The following VWA3B variants were observed in gnomAD, a reference collection of about 807,000 sequenced individuals.
The protein encoded by VWA3B is von Willebrand factor A domain containing 3B.
Under a neutral mutation model 158.3 loss-of-function variants are expected in VWA3B, and 138 were observed. The ratio of observed to expected loss-of-function variants is 0.87; its 90% CI spans 0.76 to 1.00. The LOEUF is 1.00. VWA3B is among the 50% of genes least tolerant of loss of function. VWA3B has a pLI of 0.00. For missense variants in VWA3B, 1,555 were observed against 1,565.1 expected (o/e 0.99, Z 0.11); for synonymous variants, 596 against 587.3 (o/e 1.01, Z -0.21).
At chr2:98,090,606 A>C (rs1682210622) in intron 1 of VWA3B, among the ~76,000 whole-genome samples, 1 of 152,196 alleles carries the variant, frequency 6.6e-6, no homozygotes, top group Non-Finnish European at 1.5e-5. Flanking sequence ...TCTCCAAGTA[A>C]TATTGCAATA....
intron 5 of VWA3B, among the ~76,000 whole-genome samples, chr2:98,122,481 C>G (rs1675043319): frequency 6.6e-6 from 1 of 152,192 alleles, no homozygotes; most frequent in South Asian, 2.1e-4. Context: ...CTTTTCCTTC[C>G]AAGGCCAAAA....
chr2:98,154,569 C>T (rs190506695), intron 7 of VWA3B, among the ~76,000 whole-genome samples: 1 of 152,262 alleles, frequency 6.6e-6, no homozygotes, highest in African/African-American at 2.4e-5. Flanking sequence ...ATTCTAGGCT[C>T]CTGGCTGCAC....
At chr2:98,169,977 C>A (rs1347341002) in intron 8 of VWA3B, among the ~76,000 whole-genome samples, 1 of 151,936 alleles carries the variant, frequency 6.6e-6, no homozygotes, top group Middle Eastern at 3.2e-3. Context: ...GAAAATTAGC[C>A]AGGCATGATG....
the VWA3B span, among the ~76,000 whole-genome samples, chr2:98,324,113 T>C: frequency 6.6e-6 from 1 of 150,598 alleles, no homozygotes; most frequent in Non-Finnish European, 1.5e-5. Flanking sequence ...CAAGGAAAGA[T>C]CCAAAGACAA....
chr2:98,258,413 G>A lies in VWA3B; in HGVS notation c.2843+2239G>A, dbSNP rs149377128. On this transcript the variant is annotated intron_variant, in intron 21 of 27. Transcript: ENST00000477737. Reference sequence around the variant, plus strand: ...GAAAAAAAAATTGGAATTTTTGTAGGGATTATATTTAATCTAAAGATTGCT... The same window carrying A: ...GAAAAAAAAATTGGAATTTTTGTAGAGATTATATTTAATCTAAAGATTGCT... 6.4e-3 allele frequency among the ~76,000 whole-genome samples: 970 copies of A among 151,554 alleles called. 11 individuals carry two copies. The highest frequency in any genetic ancestry group is 0.022 in the African/African-American group (913 of 41,388).
intron 3 of VWA3B, among the ~76,000 whole-genome samples, 162 bp from the exon 4 acceptor site, chr2:98,119,351 G>A (rs1006661412): frequency 1.3e-5 from 2 of 150,524 alleles, no homozygotes; most frequent in Non-Finnish European, 2.9e-5. Flanking sequence ...GAATCCAAGC[G>A]TTTTTCTGTT....
chr2:98,246,576 T>C (rs2105782115), intron 19 of VWA3B, among the ~76,000 whole-genome samples: 1 of 152,076 alleles, frequency 6.6e-6, no homozygotes, highest in South Asian at 2.1e-4. Flanking sequence ...GAGACAGGGT[T>C]TCACCATGTT....
chr2:98,235,728 T>G (rs1167492107), intron 17 of VWA3B, among the ~76,000 whole-genome samples: 3 of 152,176 alleles, frequency 2.0e-5, no homozygotes, highest in Non-Finnish European at 4.4e-5. Flanking sequence ...TCCCTTTCAA[T>G]TAACCTGCCA....
intron 2 of VWA3B, among the ~76,000 whole-genome samples, chr2:98,096,293 G>A (rs1365230358): frequency 6.6e-6 from 1 of 151,684 alleles, no homozygotes; most frequent in Non-Finnish European, 1.5e-5. Context: ...TTTAAAGATG[G>A]AGTCTTGCTT....
At chr2:98,201,035 A>C (rs184604352) in intron 12 of VWA3B, among the ~76,000 whole-genome samples, 8 of 152,262 alleles carry the variant, frequency 5.3e-5, no homozygotes, top group Admixed American at 5.2e-4. Context: ...GTGACTTTAC[A>C]CTGAGTCTTG....
chr2:98,193,054 G>A lies in VWA3B; in HGVS notation c.1605+18G>A. On this transcript the variant is annotated intron_variant, in intron 11 of 27. Coordinates refer to ENST00000477737, the MANE Select transcript of VWA3B (RefSeq NM_144992.5). ...TCATACAGGTTAGATGGAACTGTCG[G>A]TTCATGCATTTGGGGCTTTGTGTAT... is the stretch of plus-strand genomic sequence containing the variant. The A allele has an allele frequency of 1.3e-6, 2 of 1,598,194 alleles. No homozygotes were observed. The highest frequency in any genetic ancestry group is 4.5e-5 in the East Asian group (2 of 44,684).
intron 20 of VWA3B, among the ~76,000 whole-genome samples, chr2:98,250,911 TA>T (rs1046044891): frequency 6.6e-6 from 1 of 151,794 alleles, no homozygotes; most frequent in Admixed American, 6.6e-5. Flanking sequence ...CCCACAAAAA[TA>T]AAAATAAAAT....
At position 98,204,209 on chromosome 2, in the gene VWA3B, A is replaced by G. The variant is rs537638697; in HGVS notation, c.1738-7721A>G. On this transcript the variant is annotated intron_variant, in intron 12 of 27. Transcript: ENST00000477737. The stretch of plus-strand genomic sequence containing the variant: ...AGATAATTGGGTAGTCTGCAAATAG[A>G]CAGTAGTATTTGTTTGTTTGTTTTT... Among the ~76,000 whole-genome samples the G allele has an allele frequency of 1.1e-4, 16 of 152,344 alleles. No homozygotes were observed. In the South Asian group the frequency reaches 2.9e-3, roughly 28 times the overall value.
chr2:98,128,877 C>G (rs929564054), intron 6 of VWA3B, among the ~76,000 whole-genome samples: 3 of 152,234 alleles, frequency 2.0e-5, no homozygotes, highest in African/African-American at 4.8e-5. Flanking sequence ...TCTCCTGTTC[C>G]TTCCCTTGGA....
intron 19 of VWA3B, among the ~76,000 whole-genome samples, chr2:98,244,938 A>AAAGG (rs1686296494): frequency 1.3e-5 from 2 of 152,250 alleles, no homozygotes; most frequent in South Asian, 2.1e-4. Flanking sequence ...CATGCATCCC[A>AAAGG]GCAATTCCTT....
At chr2:98,119,456 G>A in intron 3 of VWA3B, 57 bp from the exon 4 acceptor site, 5 of 1,573,066 alleles carry the variant, frequency 3.2e-6, no homozygotes, top group Admixed American at 1.7e-5. Flanking sequence ...CAGCACTGTG[G>A]TTCAAATGAC....
chr2:98,128,143 C>T, intron 5 of VWA3B, 96 bp from the exon 6 acceptor site: 2 of 1,448,010 alleles, frequency 1.4e-6, no homozygotes, highest in Admixed American at 2.0e-5. Flanking sequence ...CCCATTTTTT[C>T]TAAGAGATCG....
intron 7 of VWA3B, among the ~76,000 whole-genome samples, chr2:98,161,543 G>A (rs758318649): frequency 5.3e-5 from 8 of 152,342 alleles, no homozygotes; most frequent in Middle Eastern, 3.4e-3. Flanking sequence ...TGAGATGACC[G>A]AGGAGCAGGA....
At chr2:98,253,767 C>G (rs1229672861) in intron 20 of VWA3B, among the ~76,000 whole-genome samples, 3 of 152,120 alleles carry the variant, frequency 2.0e-5, no homozygotes, top group East Asian at 3.8e-4. Flanking sequence ...TTGGTGAATG[C>G]AATCCCTTAG....
Sources: gnomAD v4.1 joint callset for allele counts (sites outside exome capture counted in the v4.1 genomes callset) on GRCh38, gnomAD v4.1.1 for gene constraint, MANE v1.5 for transcripts, NCBI Gene and HGNC (gene_info 2026-07-23, HGNC 2026-07-21) for gene names.